Variants in LRP1 observed in about 807,000 individuals in gnomAD.
LRP1 encodes the protein prolow-density lipoprotein receptor-related protein 1.
A neutral mutation model predicts 541.5 loss-of-function variants in LRP1; 51 were observed. The ratio of observed to expected loss-of-function variants is 0.09; its 90% CI spans 0.08 to 0.12. The LOEUF (loss-of-function observed/expected upper bound fraction) is 0.12. Ranked by LOEUF, LRP1 falls within the 10% of genes least tolerant of loss-of-function variation. The pLI is 1.00. For synonymous variants in LRP1, 2,219 were observed against 2,470.8 expected (o/e 0.90, Z 3.02); for missense variants, 3,878 against 6,376.2 (o/e 0.61, Z 13.34).
At chr12:57,161,323 G>A (rs1314598593) in intron 13 of LRP1, among the ~76,000 whole-genome samples, 1 of 152,136 alleles carries the variant, frequency 6.6e-6, no homozygotes, top group Non-Finnish European at 1.5e-5. Flanking sequence ...TTTGTTTGAG[G>A]ATTGCCTCCA....
chr12:57,199,645 C>G (rs529135398), intron 61 of LRP1, among the ~76,000 whole-genome samples: 1 of 152,224 alleles, frequency 6.6e-6, no homozygotes, highest in East Asian at 1.9e-4. Flanking sequence ...TGCCCAGCCC[C>G]CAGAAGGAAG....
chr12:57,202,280 C>T (rs1362075750), intron 67 of LRP1, 141 bp from the exon 68 acceptor site: 4 of 731,284 alleles, frequency 5.5e-6, no homozygotes, highest in African/African-American at 5.1e-5. Flanking sequence ...CGTCTCAAAA[C>T]ACCGCCTGGG....
chr12:57,190,358 T>A (rs2036353599), intron 42 of LRP1, among the ~76,000 whole-genome samples: 1 of 152,248 alleles, frequency 6.6e-6, no homozygotes, highest in South Asian at 2.1e-4. Flanking sequence ...AGATGGAGAT[T>A]AACTTCTTCC....
chr12:57,196,901 T>C (rs1444034734), intron 55 of LRP1, 81 bp from the exon 56 acceptor site: 1 of 1,246,614 alleles, frequency 8.0e-7, no homozygotes, highest in Admixed American at 2.0e-5. Context: ...GTAGAGGGAA[T>C]TGGAGTCTCT....
At position 57,138,406 on chromosome 12, in the gene LRP1, A is replaced by T. The variant is rs1010522331; in HGVS notation, c.68-53A>T. ...AGCAGTACTAGGGGACTTTGGGTTCACAGAGTTGGCCTCCATCCTTCATTT... is the reference window on the plus strand; with the variant it reads ...AGCAGTACTAGGGGACTTTGGGTTCTCAGAGTTGGCCTCCATCCTTCATTT... On this transcript the variant is annotated intron_variant, in intron 1 of 88. Coordinates refer to ENST00000243077, the MANE Select transcript of LRP1 (RefSeq NM_002332.3). 1.9e-6 allele frequency: 3 copies of T among 1,600,260 alleles called. No homozygotes were observed. In the African/African-American group the frequency reaches 4.0e-5, roughly 21 times the overall value.
intron 13 of LRP1, among the ~76,000 whole-genome samples, chr12:57,161,991 G>A (rs1314819351): frequency 6.8e-6 from 1 of 146,686 alleles, no homozygotes; most frequent in Non-Finnish European, 1.5e-5. Context: ...GTGCGCGCAC[G>A]CATATGAGTG....
In LRP1 at chr12:57,210,416, G is replaced by A. The variant is rs750574488; in HGVS notation, c.12690G>A (p.Lys4230=). 3 of 1,603,664 alleles carry A rather than the reference G, an allele frequency of 1.9e-6. No homozygotes were observed. The highest frequency in any genetic ancestry group is 1.7e-4 in the Middle Eastern group (1 of 6,042). Residue 4230 remains lysine, a synonymous_variant, in exon 82 of 89, where the codon AAG becomes AAA. Coordinates refer to ENST00000243077, the MANE Select transcript of LRP1 (RefSeq NM_002332.3). The part of the protein sequence containing the change: ...CRCQPRYTGD[K]CELDQCWEHC... ...GCCAACCCCGCTACACGGGTGACAA[G>A]TGTGAACTGGACCAGTGCTGGGAGC...
chr12:57,186,036 A>C, intron 41 of LRP1, 128 bp downstream of exon 41: 1 of 1,079,022 alleles, frequency 9.3e-7, no homozygotes, highest in Non-Finnish European at 1.3e-6. Context: ...GCTGAATCCA[A>C]CTGCACCCCC....
chr12:57,199,362 T>C lies in LRP1; in HGVS notation c.9827T>C (p.Met3276Thr). The change falls in exon 61 of 89, where the codon ATG (methionine) becomes ACG (threonine). Residue 3276 changes from methionine (M) to threonine (T), a missense_variant. Physicochemically the swap from Met to Thr is moderately conservative, Grantham distance 81. Transcript: ENST00000243077. ...CTCATCAGCACGCTGCACCGGCCCATGGACCTGCATGTCTTCCATGCCCTG... is the reference window on the plus strand; with the variant it reads ...CTCATCAGCACGCTGCACCGGCCCACGGACCTGCATGTCTTCCATGCCCTG... ...TLLISTLHRP[M>T]DLHVFHALRQ... is the part of the protein sequence containing the mutation. The C allele has an allele frequency of 6.2e-7, 1 of 1,612,514 alleles. No homozygotes were observed. Among genetic ancestry groups the C allele is most frequent in the Non-Finnish European group, 8.5e-7 (1 of 1,179,704 alleles).
At position 57,179,118 on chromosome 12, in the gene LRP1, T is replaced by G. The variant is rs1374559157; in HGVS notation, c.4738+97T>G. The G allele has an allele frequency of 3.3e-5, 50 of 1,500,468 alleles. 1 individual carries two copies. The East Asian group carries it at 1.1e-3, about 33-fold the overall frequency. 92.9% of individuals were successfully genotyped at this position (1,500,468 alleles called of 1,614,324 possible). The stretch of plus-strand genomic sequence containing the variant: ...GTTGTCAGCTAAGGCAGAGTCCCAG[T>G]CGGGAGGGTCCCGATAGGAGAGGCT... On this transcript the variant is annotated intron_variant, in intron 28 of 88. Transcript: ENST00000243077. The surrounding 1 kb of genome is among the most constrained non-coding windows in gnomAD (Gnocchi z 6.8).
At chr12:57,166,392 T>C (rs2035840640) in intron 17 of LRP1, 183 bp downstream of exon 17, 5 of 753,762 alleles carry the variant, frequency 6.6e-6, no homozygotes, top group Admixed American at 3.2e-5. Context: ...TCCCACTCTT[T>C]ACAAAAAAAA....
At position 57,158,698 on chromosome 12, in the gene LRP1, GT is replaced by G. The variant is rs1252284102; in HGVS notation, c.1798+63del. The G allele has an allele frequency of 6.8e-6, 10 of 1,473,992 alleles. No individual in the cohort carries two copies. The highest frequency in any genetic ancestry group is 9.4e-6 in the Non-Finnish European group (10 of 1,059,254). 91.3% of individuals were successfully genotyped at this position (1,473,992 alleles called of 1,614,324 possible). On this transcript the variant is annotated intron_variant, in intron 11 of 88. Transcript: ENST00000243077. The surrounding 1 kb of genome is among the most constrained non-coding windows in gnomAD (Gnocchi z 5.3). ...GAAGGGGGCTGGGGCCCAGGCATCT[GT>G]TTCTCGGTGCCCTCTCAGCAGGATG... is the stretch of plus-strand genomic sequence containing the variant.
chr12:57,166,325 T>TGA (rs1377232186), intron 17 of LRP1, 116 bp downstream of exon 17: 1 of 1,354,262 alleles, frequency 7.4e-7, no homozygotes, highest in East Asian at 2.5e-5. Context: ...GAGGCCAAGG[T>TGA]GAGAGGATCA....
intron 1 of LRP1, among the ~76,000 whole-genome samples, chr12:57,137,001 G>A (rs1183736505): frequency 6.6e-6 from 1 of 152,190 alleles, no homozygotes. Context: ...CAGCACTTTG[G>A]GAGGCTGAGA....
chr12:57,173,730 GGGAGCC>G lies in LRP1; in HGVS notation c.3347-49_3347-44del. ...CACAGGGTCTGGAAGGAAGGGCAGG[GGGAGCC>G]CCAGTCCCCGGGCCTGGGCCCTCAT... On this transcript the variant is annotated intron_variant, in intron 21 of 88. Coordinates refer to ENST00000243077, the MANE Select transcript of LRP1 (RefSeq NM_002332.3). This position sits in a 1 kb window ranked among gnomAD's most constrained non-coding sequence, Gnocchi z 4.7. The G allele has an allele frequency of 6.3e-7, 1 of 1,587,918 alleles. No individual in the cohort carries two copies. The highest frequency in any genetic ancestry group is 8.6e-7 in the Non-Finnish European group (1 of 1,156,658).
chr12:57,205,055 G>T lies in LRP1; in HGVS notation c.11195-54G>T. The T allele has an allele frequency of 6.4e-7, 1 of 1,562,464 alleles. No homozygotes were observed. Among genetic ancestry groups the T allele is most frequent in the Middle Eastern group, 1.7e-4 (1 of 5,812 alleles). On this transcript the variant is annotated intron_variant, in intron 72 of 88. Transcript: ENST00000243077. This position sits in a 1 kb window ranked among gnomAD's most constrained non-coding sequence, Gnocchi z 4.6. ...CCACTGTTATCTATGGGGTTGCCGTGGGAGGAGGAGGCAGGGGAGAATACC... is the reference window on the plus strand; with the variant it reads ...CCACTGTTATCTATGGGGTTGCCGTTGGAGGAGGAGGCAGGGGAGAATACC...
Position 57,177,087 on chromosome 12 carries a change from C to G in LRP1, c.4038C>G (p.Pro1346=). 6.2e-7 allele frequency: 1 copy of G among 1,614,196 alleles called. No individual in the cohort carries two copies. The highest frequency in any genetic ancestry group is 8.5e-7 in the Non-Finnish European group (1 of 1,180,034). Residue 1346 remains proline, a synonymous_variant, in exon 25 of 89, where the codon CCC becomes CCG. Transcript: ENST00000243077. The surrounding 1 kb of genome is among the most constrained non-coding windows in gnomAD (Gnocchi z 6.8). ...EVVIQYGLAT[P]EGLAVDWIAG... is the part of the protein sequence containing the mutation. ...TGATTCAGTATGGCCTGGCCACACC[C>G]GAGGGCCTGGCTGTAGACTGGATTG...
intron 33 of LRP1, 136 bp from the exon 34 acceptor site, chr12:57,181,021 G>A: frequency 7.9e-7 from 1 of 1,261,422 alleles, no homozygotes; most frequent in Non-Finnish European, 1.1e-6. Context: ...GAAAACCTGA[G>A]AGCTGGGTAG....
intron 1 of LRP1, among the ~76,000 whole-genome samples, chr12:57,136,400 C>CA (rs1183326658): frequency 6.9e-6 from 1 of 145,760 alleles, no homozygotes; most frequent in Admixed American, 6.8e-5. Context: ...TAAGAGCCCC[C>CA]CCCCCCCGCC....
Sources: gnomAD v4.1 joint callset for allele counts (sites outside exome capture counted in the v4.1 genomes callset) on GRCh38, gnomAD v4.1.1 for gene constraint, Gnocchi (gnomAD v3.1) non-coding constraint, MANE v1.5 for transcripts, NCBI Gene and HGNC (gene_info 2026-07-23, HGNC 2026-07-21) for gene names.